CDH8: variants seen among roughly 807,000 people sequenced by gnomAD.
CDH8 encodes cadherin-8.
In CDH8, 17 loss-of-function variants were observed where a neutral mutation model predicts 68.1. The observed-to-expected ratio is 0.25, with a 90% CI of 0.17 to 0.37. CDH8 has a LOEUF of 0.37. Among genes scored for constraint, CDH8 ranks in the 10% least tolerant of loss-of-function variants. The probability of loss-of-function intolerance (pLI) is 1.00; values close to 1 mark genes in which losing one functional copy is unlikely to be tolerated. For missense variants in CDH8, 763 were observed against 999.3 expected (o/e 0.76, Z 3.19); for synonymous variants, 372 against 365.1 (o/e 1.02, Z -0.21).
At position 61,673,750 on chromosome 16, in the gene CDH8, A is replaced by T. The variant is rs116095720; in HGVS notation, c.1655-18029T>A. Among the ~76,000 whole-genome samples, 981 of 152,252 alleles carry T rather than the reference A, an allele frequency of 6.4e-3. 9 individuals are homozygous for T. The highest frequency in any genetic ancestry group is 0.023 in the African/African-American group (946 of 41,574). Reference sequence around the variant, plus strand: ...TAAAAAGTGTAATTCAATGTATTTTAAAAACTCTCAAGTAAAGCCCAAACA... The same window carrying T: ...TAAAAAGTGTAATTCAATGTATTTTTAAAACTCTCAAGTAAAGCCCAAACA... On this transcript the variant is annotated intron_variant, in intron 10 of 11. Coordinates refer to ENST00000577390, the MANE Select transcript of CDH8 (RefSeq NM_001796.5).
At chr16:61,986,464 G>T (rs968114174) in intron 2 of CDH8, among the ~76,000 whole-genome samples, 1 of 152,002 alleles carries the variant, frequency 6.6e-6, no homozygotes, top group African/African-American at 2.4e-5. Flanking sequence ...TATCTTCTCA[G>T]GTTCTCCTTT....
Position 61,653,246 on chromosome 16 carries a change from C to T in CDH8, c.*362G>A, listed in dbSNP as rs929470414. ...ATCAGCAGCAGATTCCTTGCAGGTC[C>T]GTATTTTTTTTTCTAAGAAAGCACC... On this transcript the variant is annotated 3_prime_UTR_variant, in exon 12 of 12. Coordinates refer to ENST00000577390, the MANE Select transcript of CDH8 (RefSeq NM_001796.5). 3.7e-5 allele frequency: 43 copies of T among 1,176,958 alleles called. No homozygotes were observed. In the African/African-American group the frequency reaches 3.8e-4, roughly 10 times the overall value. 72.9% of individuals were successfully genotyped at this position (1,176,958 alleles called of 1,614,324 possible).
intron 7 of CDH8, among the ~76,000 whole-genome samples, chr16:61,796,654 C>T (rs1451527121): frequency 6.6e-6 from 1 of 152,078 alleles, no homozygotes; most frequent in Admixed American, 6.6e-5. Flanking sequence ...TCCTGATTGG[C>T]TTCTAATACC....
chr16:61,833,608 A>T (rs1962508419), intron 4 of CDH8, among the ~76,000 whole-genome samples: 1 of 151,906 alleles, frequency 6.6e-6, no homozygotes. Flanking sequence ...TCTTATTCAA[A>T]TCTTTACATG....
intron 2 of CDH8, among the ~76,000 whole-genome samples, chr16:61,953,516 G>C (rs1466059887): frequency 1.3e-5 from 2 of 151,526 alleles, no homozygotes; most frequent in Non-Finnish European, 2.9e-5. Context: ...TATATATAAT[G>C]CTAGTTCTTG....
intron 2 of CDH8, among the ~76,000 whole-genome samples, chr16:62,011,933 G>C (rs1476064448): frequency 2.0e-5 from 3 of 152,192 alleles, no homozygotes; most frequent in Non-Finnish European, 4.4e-5. Flanking sequence ...TGTGCACAAG[G>C]CTGCCTATTG....
intron 8 of CDH8, among the ~76,000 whole-genome samples, chr16:61,735,449 A>G (rs1360155755): frequency 1.3e-5 from 2 of 152,132 alleles, no homozygotes; most frequent in Non-Finnish European, 2.9e-5. Flanking sequence ...AAGGTTAAGT[A>G]CCCCATAACT....
At chr16:61,669,132 C>A (rs1963740546) in intron 10 of CDH8, among the ~76,000 whole-genome samples, 3 of 151,960 alleles carry the variant, frequency 2.0e-5, no homozygotes, top group African/African-American at 2.4e-5. Flanking sequence ...TCGTGATCTC[C>A]CTGAAGATTT....
At chr16:62,025,829 T>A (rs976133287) in intron 1 of CDH8, among the ~76,000 whole-genome samples, 2 of 152,136 alleles carry the variant, frequency 1.3e-5, no homozygotes, top group East Asian at 3.9e-4. Context: ...TAAAGAACTA[T>A]ACATACACAG....
At chr16:61,964,331 T>A (rs1965210237) in intron 2 of CDH8, among the ~76,000 whole-genome samples, 1 of 152,122 alleles carries the variant, frequency 6.6e-6, no homozygotes. Flanking sequence ...GGGCACCAGG[T>A]GGGAACCGCC....
At chr16:61,910,810 C>T (rs963108628) in intron 2 of CDH8, among the ~76,000 whole-genome samples, 3 of 151,984 alleles carry the variant, frequency 2.0e-5, no homozygotes, top group African/African-American at 4.8e-5. Flanking sequence ...TCAACGTATT[C>T]GGGGTTAGAA....
intron 3 of CDH8, among the ~76,000 whole-genome samples, chr16:61,884,210 C>T (rs963024668): frequency 6.6e-5 from 10 of 152,188 alleles, no homozygotes; most frequent in East Asian, 3.9e-4. Flanking sequence ...GGTCCACTTA[C>T]GTGTGGATTC....
chr16:62,031,494 T>C (rs971565820), intron 1 of CDH8, among the ~76,000 whole-genome samples: 1 of 152,130 alleles, frequency 6.6e-6, no homozygotes, highest in East Asian at 1.9e-4. Flanking sequence ...ACTCTGTGCT[T>C]AGCCCTGAAC....
intron 2 of CDH8, among the ~76,000 whole-genome samples, chr16:61,956,178 TAC>T (rs1457419081): frequency 1.3e-5 from 2 of 152,162 alleles, no homozygotes; most frequent in Admixed American, 6.5e-5. Flanking sequence ...AAAATTTGTA[TAC>T]ACACACTATA....
chr16:61,791,105 A>T (rs1961367255), intron 7 of CDH8, among the ~76,000 whole-genome samples: 1 of 151,990 alleles, frequency 6.6e-6, no homozygotes, highest in Non-Finnish European at 1.5e-5. Flanking sequence ...TATGAAATGA[A>T]ATAATAACTG....
intron 4 of CDH8, among the ~76,000 whole-genome samples, chr16:61,840,195 T>C (rs749862281): frequency 3.3e-5 from 5 of 152,172 alleles, no homozygotes; most frequent in Non-Finnish European, 5.9e-5. Flanking sequence ...ACAGCTATTA[T>C]ATCCCAGGCA....
intron 2 of CDH8, among the ~76,000 whole-genome samples, chr16:61,992,891 G>A (rs374421934): frequency 6.6e-6 from 1 of 151,968 alleles, no homozygotes; most frequent in African/African-American, 2.4e-5. Flanking sequence ...TGGGCTCATA[G>A]GATCCTCCCA....
At chr16:61,662,087 G>GTTTTTTTTTTTTTTTTTTTTTTATTTT in intron 10 of CDH8, among the ~76,000 whole-genome samples, 1 of 92,792 alleles carries the variant, frequency 1.1e-5, no homozygotes, top group African/African-American at 4.0e-5. Context: ...TTTTACTTTA[G>GTTTTTTTTTTTTTTTTTTTTTTATTTT]TTTTTTTTTT....
intron 7 of CDH8, among the ~76,000 whole-genome samples, chr16:61,807,443 A>T (rs1961817538): frequency 2.6e-5 from 4 of 151,946 alleles, no homozygotes; most frequent in Admixed American, 2.6e-4. Flanking sequence ...AACCTGCACA[A>T]TGTGCACATG....
Sources: allele counts gnomAD v4.1 joint callset (sites outside exome capture counted in the v4.1 genomes callset), GRCh38; gene constraint gnomAD v4.1.1; transcripts MANE v1.5; gene names NCBI Gene and HGNC (gene_info 2026-07-23, HGNC 2026-07-21).